Variants in NRXN3 observed in about 807,000 individuals in gnomAD.
NRXN3 encodes neurexin III.
Under a neutral mutation model 137.6 loss-of-function variants are expected in NRXN3, and 32 were observed. The ratio of observed to expected loss-of-function variants is 0.23; its 90% CI spans 0.18 to 0.31. The LOEUF (loss-of-function observed/expected upper bound fraction) is 0.31, where lower values mean the gene tolerates loss of function less well. Ranked by LOEUF, NRXN3 falls within the 10% of genes least tolerant of loss-of-function variation. The pLI, the probability that NRXN3 is intolerant of heterozygous loss-of-function variation, is 1.00. For missense variants in NRXN3, 1,574 were observed against 2,062.5 expected, an observed-to-expected ratio of 0.76 and a Z score of 4.59; for synonymous variants, 798 against 784.5, an observed-to-expected ratio of 1.02 and a Z score of -0.29.
intron 11 of NRXN3, among the ~76,000 whole-genome samples, chr14:78,961,085 T>A (rs936687316): frequency 6.6e-6 from 1 of 151,796 alleles, no homozygotes. Context: ...TACACACTTT[T>A]AAAAAATGCT....
Position 78,339,414 on chromosome 14 carries a change from A to G in NRXN3, c.757+41554A>G, listed in dbSNP as rs763149289. 4.6e-5 allele frequency among the ~76,000 whole-genome samples: 7 copies of G among 152,208 alleles called. 1 individual carries two copies. The highest frequency in any genetic ancestry group is 8.8e-5 in the Non-Finnish European group (6 of 68,034). ...TTCCATAGCTCTGTGACAAACAGAC[A>G]CAGGCCCTTAGAGAGGAGGTGCACA... On this transcript the variant is annotated intron_variant, in intron 4 of 20. Transcript: ENST00000335750.
chr14:78,913,274 CTTTTT>C (rs1157942892), intron 10 of NRXN3, among the ~76,000 whole-genome samples: 1 of 47,852 alleles, frequency 2.1e-5, no homozygotes, highest in Non-Finnish European at 3.5e-5. Flanking sequence ...TTCTTTCTTT[CTTTTT>C]TTTTTTTTTT....
At chr14:78,569,874 A>AC (rs1235762753) in intron 4 of NRXN3, among the ~76,000 whole-genome samples, 1 of 152,214 alleles carries the variant, frequency 6.6e-6, no homozygotes, top group African/African-American at 2.4e-5. Context: ...CCTCCTGAGT[A>AC]GCTGCGACTA....
Position 78,552,264 on chromosome 14 carries a change from T to C in NRXN3, c.758-92856T>C, listed in dbSNP as rs575406587. On this transcript the variant is annotated intron_variant, in intron 4 of 20. Transcript: ENST00000335750. ...AGTGATCAGCAGATTGGCTGGCACA[T>C]AGTAGGTGTTAAAAATTGTTTCTTT... 2.0e-5 allele frequency among the ~76,000 whole-genome samples: 3 copies of C among 152,330 alleles called. No homozygotes were observed. In the East Asian group the frequency reaches 5.8e-4, roughly 29 times the overall value.
intron 4 of NRXN3, among the ~76,000 whole-genome samples, chr14:78,544,511 T>G (rs1383345458): frequency 6.6e-6 from 1 of 152,172 alleles, no homozygotes; most frequent in Non-Finnish European, 1.5e-5. Flanking sequence ...TCGGGAAAAG[T>G]CCATTCAAAT....
At chr14:79,135,166 A>G (rs998151480) in intron 15 of NRXN3, among the ~76,000 whole-genome samples, 4 of 152,214 alleles carry the variant, frequency 2.6e-5, no homozygotes, top group Non-Finnish European at 5.9e-5. Flanking sequence ...TTCTCTGATC[A>G]TAGTTATTCA....
chr14:79,617,922 A>AAAAAAAAAAAAAAAACAAACAAAC (rs1177090635), intron 16 of NRXN3, among the ~76,000 whole-genome samples: 16 of 150,316 alleles, frequency 1.1e-4, no homozygotes, highest in African/African-American at 3.7e-4. Context: ...AGCAGCAAAA[A>AAAAAAAAAAAAAAAACAAACAAAC]AAAAAAAAAA....
intron 4 of NRXN3, among the ~76,000 whole-genome samples, chr14:78,602,850 A>G (rs1054980347): frequency 4.6e-5 from 7 of 152,136 alleles, no homozygotes; most frequent in Non-Finnish European, 8.8e-5. Context: ...GGTCAGAGAG[A>G]TGCCTTGAGA....
Position 78,720,804 on chromosome 14 carries a change from T to C in NRXN3, c.2044+5665T>C, listed in dbSNP as rs562307579. Among the ~76,000 whole-genome samples, 5 of 152,328 alleles carry C rather than the reference T, an allele frequency of 3.3e-5. No homozygotes were observed. The East Asian group carries it at 9.7e-4, about 29-fold the overall frequency. On this transcript the variant is annotated intron_variant, in intron 8 of 20. Transcript: ENST00000335750. ...AAATTTCTATATTCTCAACACAGTC[T>C]ATCTTAAATAGCTTTAGTTTCAGTG...
intron 19 of NRXN3, among the ~76,000 whole-genome samples, chr14:79,755,397 CT>C (rs1291171932): frequency 6.6e-6 from 1 of 151,708 alleles, no homozygotes; most frequent in Non-Finnish European, 1.5e-5. Flanking sequence ...TTGTTTTTTT[CT>C]TAGAACATAA....
intron 10 of NRXN3, among the ~76,000 whole-genome samples, chr14:78,836,231 A>G (rs978041061): frequency 2.0e-5 from 3 of 152,252 alleles, no homozygotes; most frequent in Admixed American, 2.0e-4. Context: ...GCAAAAAAGG[A>G]AAGAGAATGT....
chr14:79,671,417 T>C (rs2098607102), intron 17 of NRXN3, among the ~76,000 whole-genome samples: 1 of 152,128 alleles, frequency 6.6e-6, no homozygotes, highest in South Asian at 2.1e-4. Flanking sequence ...CTCTGATTTC[T>C]GCCCAGTCTA....
chr14:78,399,040 T>C (rs1418062499), intron 4 of NRXN3, among the ~76,000 whole-genome samples: 2 of 152,218 alleles, frequency 1.3e-5, no homozygotes, highest in East Asian at 3.8e-4. Context: ...GTTTTTTGTC[T>C]TCCTGGTTCT....
Position 79,864,139 on chromosome 14 carries a change from G to A in NRXN3, c.*2175G>A, listed in dbSNP as rs2099416803. 6.6e-6 allele frequency: 1 copy of A among 152,574 alleles called. No individual in the cohort carries two copies. The highest frequency in any genetic ancestry group is 2.4e-5 in the African/African-American group (1 of 41,434). The allele number at this position is 152,574 out of a possible 1,614,324, so 9.5% of individuals were successfully genotyped here. The stretch of plus-strand genomic sequence containing the variant: ...AAAAGATTGCTGTTCTTGGAGTCTT[G>A]AGGTCTTGTGAATTGATTTCCTGCT... On this transcript the variant is annotated 3_prime_UTR_variant, in exon 21 of 21. Coordinates refer to ENST00000335750, the MANE Select transcript of NRXN3 (RefSeq NM_001330195.2).
chr14:79,208,999 T>G (rs2067224442), intron 15 of NRXN3, among the ~76,000 whole-genome samples: 1 of 152,158 alleles, frequency 6.6e-6, no homozygotes, highest in Admixed American at 6.5e-5. Flanking sequence ...AGTGCAGTGG[T>G]GTGATCTTGC....
intron 15 of NRXN3, among the ~76,000 whole-genome samples, chr14:79,465,439 T>A (rs1261348443): frequency 6.6e-6 from 1 of 152,200 alleles, no homozygotes; most frequent in African/African-American, 2.4e-5. Flanking sequence ...CTACATGTAA[T>A]ATACAAATTG....
At chr14:78,335,394 C>T (rs776210102) in intron 4 of NRXN3, among the ~76,000 whole-genome samples, 31 of 152,184 alleles carry the variant, frequency 2.0e-4, no homozygotes, top group Admixed American at 6.5e-4. Flanking sequence ...TCTCTTATTT[C>T]TCAAGGTAGA....
chr14:78,452,705 G>A (rs1298601831), intron 4 of NRXN3, among the ~76,000 whole-genome samples: 3 of 152,174 alleles, frequency 2.0e-5, no homozygotes, highest in African/African-American at 4.8e-5. Flanking sequence ...TTTTCATAAA[G>A]TGGTGCCAAT....
intron 19 of NRXN3, among the ~76,000 whole-genome samples, chr14:79,731,656 T>A (rs1018986676): frequency 2.0e-5 from 3 of 151,562 alleles, no homozygotes; most frequent in African/African-American, 7.3e-5. Context: ...TTTTTTTTTT[T>A]TGTATTTTTA....
Sources: allele counts gnomAD v4.1 joint callset (sites outside exome capture counted in the v4.1 genomes callset), GRCh38; gene constraint gnomAD v4.1.1; transcripts MANE v1.5; gene names NCBI Gene and HGNC (gene_info 2026-07-23, HGNC 2026-07-21).